The following GALNTL6 variants were observed in gnomAD, a reference collection of about 807,000 sequenced individuals.
GALNTL6 encodes polypeptide N-acetylgalactosaminyltransferase-like 6.
Under a neutral mutation model 73.7 loss-of-function variants are expected in GALNTL6, and 46 were observed. The observed-to-expected ratio is 0.62, with a 90% CI of 0.49 to 0.80. The LOEUF is 0.80. GALNTL6 is among the 30% of genes least tolerant of loss of function. GALNTL6 has a pLI of 0.00. For synonymous variants in GALNTL6, 259 were observed against 263.7 expected, an observed-to-expected ratio of 0.98 and a Z score of 0.17; for missense variants, 604 against 755.0, an observed-to-expected ratio of 0.80 and a Z score of 2.34.
intron 5 of GALNTL6, among the ~76,000 whole-genome samples, chr4:172,371,630 T>C (rs1742813356): frequency 6.6e-6 from 1 of 152,126 alleles, no homozygotes. Context: ...TGTCGCTCTG[T>C]CTCTTCCTCT....
chr4:173,029,762 G>A (rs1753380819), intron 12 of GALNTL6, among the ~76,000 whole-genome samples: 1 of 152,066 alleles, frequency 6.6e-6, no homozygotes. Context: ...ACATTATGTT[G>A]CTATCCACTT....
intron 5 of GALNTL6, among the ~76,000 whole-genome samples, chr4:172,745,401 G>A (rs561108760): frequency 6.8e-6 from 1 of 146,616 alleles, no homozygotes; most frequent in East Asian, 2.0e-4. Context: ...AAATTGTAGA[G>A]ATTAAAGAAA....
intron 8 of GALNTL6, among the ~76,000 whole-genome samples, chr4:172,927,029 G>A (rs2111307798): frequency 6.6e-6 from 1 of 152,292 alleles, no homozygotes; most frequent in Admixed American, 6.5e-5. Context: ...GAGGAGGCAT[G>A]AGCAATGCTT....
At chr4:172,409,942 A>G (rs1030064733) in intron 5 of GALNTL6, among the ~76,000 whole-genome samples, 1 of 151,988 alleles carries the variant, frequency 6.6e-6, no homozygotes, top group Non-Finnish European at 1.5e-5. Flanking sequence ...TGATTAATCA[A>G]CACATCTATT....
chr4:172,304,664 T>C (rs1035178651), intron 3 of GALNTL6, among the ~76,000 whole-genome samples: 1 of 152,178 alleles, frequency 6.6e-6, no homozygotes, highest in African/African-American at 2.4e-5. Flanking sequence ...CTTTAAAGTG[T>C]CACTAGCAGG....
At chr4:172,964,828 G>T (rs1382547453) in intron 10 of GALNTL6, among the ~76,000 whole-genome samples, 1 of 152,238 alleles carries the variant, frequency 6.6e-6, no homozygotes, top group Non-Finnish European at 1.5e-5. Flanking sequence ...GCTGATGTGT[G>T]ATGCAGGAGT....
At chr4:171,905,636 A>G (rs542397692) in intron 2 of GALNTL6, among the ~76,000 whole-genome samples, 7 of 150,180 alleles carry the variant, frequency 4.7e-5, no homozygotes, top group African/African-American at 1.0e-4. Context: ...CTCTGCACCA[A>G]GTGGACCTAA....
intron 2 of GALNTL6, among the ~76,000 whole-genome samples, chr4:171,881,699 G>A (rs12331085): frequency 0.25 from 37,779 of 152,086 alleles, 4,782 homozygotes; most frequent in Middle Eastern, 0.33. Flanking sequence ...TCTATGGACT[G>A]TCTTCTTCCT....
intron 8 of GALNTL6, among the ~76,000 whole-genome samples, chr4:172,914,795 T>C (rs1747411299): frequency 6.6e-6 from 1 of 152,120 alleles, no homozygotes; most frequent in Admixed American, 6.6e-5. Context: ...CAAGCAATAA[T>C]AACAGGAGAC....
chr4:172,215,638 T>C (rs1736471296), intron 2 of GALNTL6, among the ~76,000 whole-genome samples: 2 of 152,118 alleles, frequency 1.3e-5, no homozygotes, highest in Admixed American at 1.3e-4. Flanking sequence ...AAATAAAGTT[T>C]AGTTGAGAAT....
chr4:172,640,114 T>A (rs1739902986), intron 5 of GALNTL6, among the ~76,000 whole-genome samples: 2 of 152,236 alleles, frequency 1.3e-5, no homozygotes, highest in East Asian at 3.9e-4. Flanking sequence ...ATTCAGATAT[T>A]TGCCTCTATT....
intron 2 of GALNTL6, among the ~76,000 whole-genome samples, chr4:172,052,804 T>C (rs1413583103): frequency 6.6e-6 from 1 of 152,152 alleles, no homozygotes; most frequent in Admixed American, 6.6e-5. Context: ...CTCATGAACT[T>C]TTCCTATATA....
chr4:172,885,420 C>A (rs368315336), intron 8 of GALNTL6, among the ~76,000 whole-genome samples: 3 of 152,052 alleles, frequency 2.0e-5, no homozygotes, highest in African/African-American at 7.2e-5. Flanking sequence ...TAGTGTATAG[C>A]AACTTTATAG....
chr4:172,690,189 G>A (rs867875020), intron 5 of GALNTL6, among the ~76,000 whole-genome samples: 14 of 152,106 alleles, frequency 9.2e-5, no homozygotes, highest in African/African-American at 3.4e-4. Context: ...CATTTTTTCT[G>A]AGGAAGAATG....
intron 5 of GALNTL6, among the ~76,000 whole-genome samples, chr4:172,715,631 C>T (rs2111339581): frequency 6.6e-6 from 1 of 152,274 alleles, no homozygotes; most frequent in Admixed American, 6.5e-5. Context: ...ATTTTTCTTA[C>T]ATTTCAGTGC....
chr4:172,819,651 A>G (rs1485490081), intron 7 of GALNTL6, among the ~76,000 whole-genome samples: 1 of 152,202 alleles, frequency 6.6e-6, no homozygotes, highest in African/African-American at 2.4e-5. Flanking sequence ...GCACTTTGCT[A>G]GGAAATTTAC....
At chr4:172,874,442 A>G (rs577468852) in intron 7 of GALNTL6, among the ~76,000 whole-genome samples, 1 of 152,352 alleles carries the variant, frequency 6.6e-6, no homozygotes, top group South Asian at 2.1e-4. Context: ...TTGTGGATTT[A>G]GAAAAGGGGC....
At chr4:172,329,061 A>C (rs1231567567) in intron 4 of GALNTL6, among the ~76,000 whole-genome samples, 2 of 152,180 alleles carry the variant, frequency 1.3e-5, no homozygotes, top group Admixed American at 1.3e-4. Context: ...ATCTCAGGTC[A>C]GGCAGCCCTG....
At chr4:172,386,500 C>CGAGAAA (rs1390060043) in intron 5 of GALNTL6, among the ~76,000 whole-genome samples, 1 of 151,788 alleles carries the variant, frequency 6.6e-6, no homozygotes, top group Admixed American at 6.6e-5. Context: ...AAAGTGAGAG[C>CGAGAAA]GAGAAAGAGA....
Sources: gnomAD v4.1 joint callset for allele counts (sites outside exome capture counted in the v4.1 genomes callset) on GRCh38, gnomAD v4.1.1 for gene constraint, MANE v1.5 for transcripts, NCBI Gene and HGNC (gene_info 2026-07-23, HGNC 2026-07-21) for gene names.